DEUP1: variants seen among roughly 807,000 people sequenced by gnomAD.
The protein encoded by DEUP1 is deuterosome assembly protein 1.
In DEUP1, 82 loss-of-function variants were observed where a neutral mutation model predicts 87.4. That is an observed-to-expected ratio of 0.94 (90% CI 0.78 to 1.13). The LOEUF (loss-of-function observed/expected upper bound fraction) is 1.13. DEUP1 is among the 50% of genes most tolerant of loss of function. The probability of loss-of-function intolerance (pLI) is 0.00; values close to 1 mark genes in which losing one functional copy is unlikely to be tolerated. For missense variants in DEUP1, 663 were observed against 681.5 expected (o/e 0.97, Z 0.30); for synonymous variants, 214 against 222.7 (o/e 0.96, Z 0.35).
At position 93,437,555 on chromosome 11, in the gene DEUP1, A is replaced by G. The variant is rs200171903; in HGVS notation, c.1651A>G (p.Met551Val). Residue 551 changes from methionine (M) to valine (V), a missense_variant, in exon 14 of 14, where the codon ATG (methionine) becomes GTG (valine). Physicochemically the swap from Met to Val is conservative, Grantham distance 21. Transcript: ENST00000298050. ...TTTCTCTCTTTAGTCTCCCCCAGAT[A>G]TGTCCTTCCCAGCATCTTTGGCTGC... Reference protein sequence around the residue: ...DDVFPLSPPDMSFPASLAAQH... With the variant: ...DDVFPLSPPDVSFPASLAAQH... 334 of 1,611,720 alleles carry G rather than the reference A, an allele frequency of 2.1e-4. No homozygotes were observed. Among genetic ancestry groups the G allele is most frequent in the Middle Eastern group, 3.3e-4 (2 of 6,072 alleles).
chr11:93,352,199 T>C lies in DEUP1; in HGVS notation c.30-3172T>C, dbSNP rs1944657346. 7.1e-6 allele frequency: 4 copies of C among 565,972 alleles called. No homozygotes were observed. The East Asian group carries it at 8.5e-5, about 12-fold the overall frequency. 35.1% of individuals were successfully genotyped at this position (565,972 alleles called of 1,614,324 possible). ...ATGTGGCACCTGCCTCTCCCTCCTG[T>C]CCTCCTCCCAGCCACACAAATACAT... On this transcript the variant is annotated intron_variant, in intron 2 of 13. Transcript: ENST00000298050.
chr11:93,405,657 A>T (rs1233206544), intron 11 of DEUP1, among the ~76,000 whole-genome samples: 1 of 152,030 alleles, frequency 6.6e-6, no homozygotes, highest in Non-Finnish European at 1.5e-5. Context: ...TAAACATTTT[A>T]ATACCTAATA....
chr11:93,388,382 AT>A (rs1946655363), intron 8 of DEUP1, among the ~76,000 whole-genome samples: 1 of 152,062 alleles, frequency 6.6e-6, no homozygotes, highest in Non-Finnish European at 1.5e-5. Flanking sequence ...TGTGATTTTT[AT>A]TTCACTGGTT....
intron 7 of DEUP1, among the ~76,000 whole-genome samples, chr11:93,383,128 A>G (rs941028063): frequency 6.6e-6 from 1 of 152,246 alleles, no homozygotes; most frequent in Non-Finnish European, 1.5e-5. Flanking sequence ...GAATTAATAA[A>G]TAAGAAAGCA....
chr11:93,371,411 C>G, intron 7 of DEUP1, 131 bp downstream of exon 7: 1 of 1,028,134 alleles, frequency 9.7e-7, no homozygotes, highest in Non-Finnish European at 1.4e-6. Context: ...CATATTTCCT[C>G]TTAGTAATTC....
chr11:93,332,996 G>A (rs1208433252), intron 2 of DEUP1, among the ~76,000 whole-genome samples: 3 of 152,160 alleles, frequency 2.0e-5, no homozygotes, highest in African/African-American at 4.8e-5. Context: ...CACTTCAGGT[G>A]TCTCACTTTC....
chr11:93,431,775 C>T (rs1276558550), intron 13 of DEUP1, among the ~76,000 whole-genome samples: 1 of 152,018 alleles, frequency 6.6e-6, no homozygotes, highest in Non-Finnish European at 1.5e-5. Flanking sequence ...GTAGACCAGA[C>T]TTGACAATGA....
chr11:93,331,672 G>A (rs1159766042), intron 1 of DEUP1, among the ~76,000 whole-genome samples: 3 of 152,120 alleles, frequency 2.0e-5, no homozygotes, highest in East Asian at 3.8e-4. Flanking sequence ...AGCCGTTTGC[G>A]AACAACGTAG....
At chr11:93,416,948 A>AT (rs1947659222) in intron 13 of DEUP1, among the ~76,000 whole-genome samples, 1 of 152,218 alleles carries the variant, frequency 6.6e-6, no homozygotes, top group South Asian at 2.1e-4. Flanking sequence ...ATCTCAATAG[A>AT]TTCAGAAAAA....
At chr11:93,371,422 G>C (rs775081713) in intron 7 of DEUP1, 142 bp downstream of exon 7, 1 of 919,446 alleles carries the variant, frequency 1.1e-6, no homozygotes, top group African/African-American at 1.7e-5. Flanking sequence ...TTAGTAATTC[G>C]CACTTGATGC....
chr11:93,433,912 A>C (rs1948168858), intron 13 of DEUP1, among the ~76,000 whole-genome samples: 1 of 152,162 alleles, frequency 6.6e-6, no homozygotes, highest in Non-Finnish European at 1.5e-5. Context: ...TGTGTCCATC[A>C]ATCAGTCATT....
chr11:93,359,795 G>T (rs965625052), intron 4 of DEUP1, among the ~76,000 whole-genome samples: 1 of 152,118 alleles, frequency 6.6e-6, no homozygotes, highest in Non-Finnish European at 1.5e-5. Flanking sequence ...TAGCCCCACT[G>T]CCACCTACAA....
chr11:93,332,276 A>G lies in DEUP1; in HGVS notation c.17A>G (p.His6Arg), dbSNP rs910462598. 2.5e-6 allele frequency: 4 copies of G among 1,608,704 alleles called. No homozygotes were observed. Among genetic ancestry groups the G allele is most frequent in the Middle Eastern group, 3.3e-4 (2 of 6,080 alleles). MENQAHNTMGTSPCEA... is the reference protein window; with the variant it reads MENQARNTMGTSPCEA... ...TTTCTTGACATGGAGAACCAAGCCC[A>G]TAATACGATGGGGTAAGTGCTGAGA... Residue 6 changes from histidine to arginine, a missense_variant, in exon 2 of 14, where the codon CAT (histidine) becomes CGT (arginine). By Grantham distance (29) the His-to-Arg change is conservative. Transcript: ENST00000298050.
Position 93,378,473 on chromosome 11 carries a change from GCTAT to G in DEUP1, c.790-6920_790-6917del, listed in dbSNP as rs557456924. On this transcript the variant is annotated intron_variant, in intron 7 of 13. Coordinates refer to ENST00000298050, the MANE Select transcript of DEUP1 (RefSeq NM_181645.4). ...AGAAGTTGTGATTTTTTTAATTTAT[GCTAT>G]CTATTTCTCTTTTTTGATTTCTTAA... is the stretch of plus-strand genomic sequence containing the variant. 1.5e-3 allele frequency among the ~76,000 whole-genome samples: 221 copies of G among 151,780 alleles called. 1 individual carries two copies. Among genetic ancestry groups the G allele is most frequent in the African/African-American group, 5.1e-3 (211 of 41,438 alleles).
intron 13 of DEUP1, among the ~76,000 whole-genome samples, chr11:93,417,519 T>C (rs1189454354): frequency 6.6e-6 from 1 of 151,822 alleles, no homozygotes; most frequent in Non-Finnish European, 1.5e-5. Flanking sequence ...CACTGCTCAA[T>C]GAAATAAAAG....
chr11:93,386,036 G>T (rs920223137), intron 8 of DEUP1, among the ~76,000 whole-genome samples: 1 of 151,264 alleles, frequency 6.6e-6, no homozygotes, highest in Non-Finnish European at 1.5e-5. Context: ...CTGGGCAACA[G>T]AGATCCTGTT....
At chr11:93,406,826 C>T (rs892511505) in intron 11 of DEUP1, among the ~76,000 whole-genome samples, 4 of 151,828 alleles carry the variant, frequency 2.6e-5, no homozygotes, top group African/African-American at 9.7e-5. Flanking sequence ...AACACAGACA[C>T]CCTAATGAAA....
At chr11:93,390,757 C>CA (rs541188351) in intron 9 of DEUP1, among the ~76,000 whole-genome samples, 22 of 151,004 alleles carry the variant, frequency 1.5e-4, no homozygotes, top group African/African-American at 3.4e-4. Context: ...GAATGCTGTG[C>CA]AAAAAAAAGG....
At chr11:93,417,817 T>C (rs1437294578) in intron 13 of DEUP1, among the ~76,000 whole-genome samples, 3 of 152,170 alleles carry the variant, frequency 2.0e-5, no homozygotes, top group African/African-American at 7.2e-5. Flanking sequence ...AGCATGGTAC[T>C]GGTACCAAAA....
Sources: allele counts gnomAD v4.1 joint callset (sites outside exome capture counted in the v4.1 genomes callset), GRCh38; gene constraint gnomAD v4.1.1; transcripts MANE v1.5; gene names NCBI Gene and HGNC (gene_info 2026-07-23, HGNC 2026-07-21).